Variants in ADCK1 observed in about 807,000 individuals in gnomAD.
ADCK1 encodes the protein aarF domain-containing protein kinase 1.
Under a neutral mutation model 52.3 loss-of-function variants are expected in ADCK1, and 41 were observed. The observed-to-expected ratio is 0.78, with a 90% CI of 0.61 to 1.02. The LOEUF (loss-of-function observed/expected upper bound fraction) is 1.02. Ranked by LOEUF, ADCK1 falls within the 50% of genes least tolerant of loss-of-function variation. ADCK1 has a pLI of 0.00. For synonymous variants in ADCK1, 250 were observed against 274.6 expected (o/e 0.91, Z 0.89); for missense variants, 658 against 679.5 (o/e 0.97, Z 0.35).
intron 7 of ADCK1, chr14:77,924,093 A>C: frequency 5.9e-6 from 1 of 169,056 alleles, no homozygotes; most frequent in African/African-American, 2.4e-5. Context: ...CTTTGGGGGG[A>C]AATGGAGAAG....
chr14:77,867,389 C>G (rs966010706), intron 4 of ADCK1, among the ~76,000 whole-genome samples: 7 of 152,292 alleles, frequency 4.6e-5, no homozygotes, highest in Non-Finnish European at 1.0e-4. Flanking sequence ...ATCGCCTCCT[C>G]CCAGCTGGGC....
rs150077207 is a variant in ADCK1, at chr14:77,816,881, A to AAAATATATATATATATATATATATATAT, written c.-11-2086_-11-2085insAATATATATATATATATATATATATATA. Among the ~76,000 whole-genome samples the AAAATATATATATATATATATATATATAT allele has an allele frequency of 1.0e-4, 11 of 110,028 alleles. 1 individual carries two copies. The highest frequency in any genetic ancestry group is 2.9e-4 in the African/African-American group (10 of 34,638). 72.2% of individuals were successfully genotyped at this position (110,028 alleles called of 152,430 possible). On this transcript the variant is annotated intron_variant, in intron 1 of 10. Coordinates refer to ENST00000238561, the MANE Select transcript of ADCK1 (RefSeq NM_020421.4). ...CACCATCTCCAGGTAGTAGATGGTA[A>AAAATATATATATATATATATATATATAT]ATATATATATATATATATATATTTA...
chr14:77,848,900 A>G (rs2082226122), intron 3 of ADCK1, among the ~76,000 whole-genome samples: 3 of 150,496 alleles, frequency 2.0e-5, no homozygotes. Context: ...ATCTCAACTC[A>G]CTGCAAGCTC....
At chr14:77,818,603 C>T (rs1199216914) in intron 1 of ADCK1, among the ~76,000 whole-genome samples, 1 of 152,136 alleles carries the variant, frequency 6.6e-6, no homozygotes, top group Non-Finnish European at 1.5e-5. Flanking sequence ...TTCTTGTCAG[C>T]ATTTATACCA....
intron 5 of ADCK1, among the ~76,000 whole-genome samples, chr14:77,894,219 A>G (rs1566710113): frequency 6.6e-6 from 1 of 152,244 alleles, no homozygotes; most frequent in African/African-American, 2.4e-5. Context: ...GTGTACTTTA[A>G]TAACTTATCA....
At chr14:77,838,892 A>G (rs1269587075) in intron 3 of ADCK1, among the ~76,000 whole-genome samples, 1 of 152,194 alleles carries the variant, frequency 6.6e-6, no homozygotes, top group Admixed American at 6.5e-5. Context: ...TGCTGGGTGT[A>G]CAATGGTCTG....
intron 4 of ADCK1, among the ~76,000 whole-genome samples, chr14:77,869,942 A>G (rs2082740202): frequency 6.6e-6 from 1 of 152,226 alleles, no homozygotes; most frequent in South Asian, 2.1e-4. Flanking sequence ...CGGGTTAAAT[A>G]GTGTCCACTC....
intron 3 of ADCK1, among the ~76,000 whole-genome samples, chr14:77,851,163 G>T (rs186651889): frequency 5.9e-4 from 90 of 151,628 alleles, no homozygotes; most frequent in Non-Finnish European, 1.1e-3. Context: ...TGTTGCCCAG[G>T]TTGGAATGCA....
At chr14:77,898,582 A>G (rs539362886) in intron 5 of ADCK1, among the ~76,000 whole-genome samples, 2 of 152,228 alleles carry the variant, frequency 1.3e-5, no homozygotes, top group African/African-American at 4.8e-5. Context: ...ATAAGTGGGA[A>G]CTGAACAATG....
intron 4 of ADCK1, among the ~76,000 whole-genome samples, chr14:77,864,032 T>C (rs1270884725): frequency 6.6e-6 from 1 of 152,106 alleles, no homozygotes. Context: ...TTTTGTACTC[T>C]GAAATTTGTT....
intron 9 of ADCK1, 138 bp downstream of exon 9, chr14:77,926,099 A>G: frequency 9.8e-7 from 1 of 1,025,636 alleles, no homozygotes; most frequent in Admixed American, 2.3e-5. Flanking sequence ...AATTGGAGCT[A>G]TATTGGACAA....
chr14:77,933,531 C>T lies in ADCK1; in HGVS notation c.*140C>T. On this transcript the variant is annotated 3_prime_UTR_variant, in exon 11 of 11. Transcript: ENST00000238561. ...TGTCCATGTCACCATCCTTCTCCTC[C>T]TTTGGAATCCTCTCCGCACACTGTG... is the stretch of plus-strand genomic sequence containing the variant. The T allele has an allele frequency of 6.0e-6, 6 of 1,001,018 alleles. No homozygotes were observed. Among genetic ancestry groups the T allele is most frequent in the Non-Finnish European group, 9.0e-6 (6 of 663,076 alleles). 62.0% of individuals were successfully genotyped at this position (1,001,018 alleles called of 1,614,324 possible).
At chr14:77,895,858 G>A (rs2083398453) in intron 5 of ADCK1, among the ~76,000 whole-genome samples, 2 of 152,186 alleles carry the variant, frequency 1.3e-5, no homozygotes, top group Middle Eastern at 3.4e-3. Flanking sequence ...CTTCGTAGCG[G>A]GTATCAAGTT....
chr14:77,896,299 C>T (rs1401948062), intron 5 of ADCK1, among the ~76,000 whole-genome samples: 1 of 152,178 alleles, frequency 6.6e-6, no homozygotes, highest in Non-Finnish European at 1.5e-5. Flanking sequence ...AGAAGCTTCA[C>T]CCCCAAGTAG....
chr14:77,803,301 C>A (rs2081150982), intron 1 of ADCK1, among the ~76,000 whole-genome samples: 1 of 151,958 alleles, frequency 6.6e-6, no homozygotes, highest in Non-Finnish European at 1.5e-5. Flanking sequence ...GACCTAAGTG[C>A]CTTTTCTCTG....
In ADCK1 at chr14:77,923,449, G is replaced by A. The variant is rs142677081; in HGVS notation, c.859-1008G>A. ...CAGGCAGGAGGCAGGGCCTGGTCAGGTAGGACTTTGTAGGCTGGGGGAAAG... is the reference window on the plus strand; with the variant it reads ...CAGGCAGGAGGCAGGGCCTGGTCAGATAGGACTTTGTAGGCTGGGGGAAAG... On this transcript the variant is annotated intron_variant, in intron 7 of 10. Coordinates refer to ENST00000238561, the MANE Select transcript of ADCK1 (RefSeq NM_020421.4). This position sits in a 1 kb window ranked among gnomAD's most constrained non-coding sequence, Gnocchi z 4.3. 1,201 of 152,394 alleles carry A rather than the reference G, an allele frequency of 7.9e-3. 30 individuals carry two copies. The highest frequency in any genetic ancestry group is 5.4e-3 in the Non-Finnish European group (367 of 68,082). 9.4% of individuals were successfully genotyped at this position (152,394 alleles called of 1,614,324 possible). A position where few individuals can be genotyped will look rare whatever the true frequency, so the allele number is the denominator to read the frequency against.
At position 77,887,156 on chromosome 14, in the gene ADCK1, C is replaced by T; in HGVS notation, c.489C>T (p.His163=). Reference sequence around the variant, plus strand: ...GGACGGCCTCCCTGGCCCAGGTCCACAAGGCAGTGCTGCATGATGGGCGGA... The same window carrying T: ...GGACGGCCTCCCTGGCCCAGGTCCATAAGGCAGTGCTGCATGATGGGCGGA... The part of the protein sequence containing the change: ...PLGTASLAQV[H]KAVLHDGRTV... The change falls in exon 5 of 11, where the codon CAC becomes CAT. Residue 163 remains histidine (H), a synonymous_variant. Transcript: ENST00000238561. The T allele has an allele frequency of 6.2e-7, 1 of 1,610,014 alleles. No homozygotes were observed.
chr14:77,818,866 A>C, intron 1 of ADCK1, 102 bp from the exon 2 acceptor site: 1 of 1,332,874 alleles, frequency 7.5e-7, no homozygotes, highest in Non-Finnish European at 1.0e-6. Context: ...TAATGATCCA[A>C]GGTCATATAA....
At chr14:77,922,576 T>C (rs1203099483) in intron 7 of ADCK1, among the ~76,000 whole-genome samples, 1 of 152,232 alleles carries the variant, frequency 6.6e-6, no homozygotes. Context: ...ATTTCCATTT[T>C]ACTGAAGCTG....
Sources: gnomAD v4.1 joint callset for allele counts (sites outside exome capture counted in the v4.1 genomes callset) on GRCh38, gnomAD v4.1.1 for gene constraint, Gnocchi (gnomAD v3.1) non-coding constraint, MANE v1.5 for transcripts, NCBI Gene and HGNC (gene_info 2026-07-23, HGNC 2026-07-21) for gene names.